ADGRL3: variants seen among roughly 807,000 people sequenced by gnomAD.
The protein encoded by ADGRL3 is adhesion G protein-coupled receptor L3, also known as calcium-independent alpha-latrotoxin receptor 3.
Under a neutral mutation model 153.5 loss-of-function variants are expected in ADGRL3, and 62 were observed. That is an observed-to-expected ratio of 0.40 (90% confidence interval 0.33 to 0.50). The LOEUF is 0.50. ADGRL3 is among the 20% of genes least tolerant of loss of function. The pLI, the probability that ADGRL3 is intolerant of heterozygous loss-of-function variation, is 0.47. For missense variants in ADGRL3, 1,641 were observed against 1,859.4 expected (o/e 0.88, Z 2.16); for synonymous variants, 710 against 672.5 (o/e 1.06, Z -0.86).
rs568378563 is a variant in ADGRL3 at position 61,946,980 on chromosome 4, G to A, written c.2486G>A (p.Ser829Asn). 10 of 1,613,836 alleles carry A rather than the reference G, an allele frequency of 6.2e-6. No individual in the cohort carries two copies. The Admixed American group carries it at 1.0e-4, about 16-fold the overall frequency. ...LGPYLSTENA[S>N]MKLGTEALST... is the part of the protein sequence containing the mutation. ...CCTTATTTATCCACGGAGAATGCCA[G>A]TATGAAGTTGGGAACGGAAGCTTTG... Residue 829 changes from serine to asparagine, a missense_variant, in exon 16 of 27, where the codon AGT (serine) becomes AAT (asparagine). Physicochemically the swap from Ser to Asn is conservative, Grantham distance 46. Around this residue, in one of 5 missense-constraint regions of ADGRL3, gnomAD observed 734 missense variants for 797.0 expected, o/e 0.92. Transcript: ENST00000683033.
At chr4:61,353,986 A>C (rs2096110711) in intron 1 of ADGRL3, among the ~76,000 whole-genome samples, 1 of 152,124 alleles carries the variant, frequency 6.6e-6, no homozygotes, top group South Asian at 2.1e-4. Context: ...CCCTATAGCC[A>C]GCAGTGCTTT....
At chr4:61,553,947 A>C (rs2098752381) in intron 4 of ADGRL3, among the ~76,000 whole-genome samples, 1 of 152,170 alleles carries the variant, frequency 6.6e-6, no homozygotes, top group African/African-American at 2.4e-5. Context: ...AGTGGTATGT[A>C]GGGTTCTCTT....
intron 2 of ADGRL3, among the ~76,000 whole-genome samples, chr4:61,459,209 C>A (rs577226775): frequency 3.4e-4 from 52 of 151,800 alleles, no homozygotes; most frequent in African/African-American, 1.2e-3. Flanking sequence ...ACAAATATTT[C>A]ATGATATTCG....
chr4:61,596,241 G>A (rs1418733968), intron 5 of ADGRL3, among the ~76,000 whole-genome samples: 1 of 152,138 alleles, frequency 6.6e-6, no homozygotes, highest in African/African-American at 2.4e-5. Context: ...CTGCCATCTT[G>A]CTCTGCCCCT....
intron 2 of ADGRL3, among the ~76,000 whole-genome samples, chr4:61,430,741 A>G (rs1296866480): frequency 3.3e-5 from 5 of 152,148 alleles, no homozygotes; most frequent in Non-Finnish European, 5.9e-5. Flanking sequence ...TGCCCCTTAT[A>G]TAATATGGGG....
chr4:61,778,883 C>T (rs1013019022), intron 8 of ADGRL3, among the ~76,000 whole-genome samples: 7 of 151,950 alleles, frequency 4.6e-5, no homozygotes, highest in Non-Finnish European at 2.9e-5. Flanking sequence ...CATGGCGAAA[C>T]GCCATCTCTA....
At position 61,832,193 on chromosome 4, in the gene ADGRL3, G is replaced by A. The variant is rs556102133; in HGVS notation, c.1480+18304G>A. 2.6e-5 allele frequency among the ~76,000 whole-genome samples: 4 copies of A among 152,220 alleles called. No individual in the cohort carries two copies. The East Asian group carries it at 7.7e-4, about 29-fold the overall frequency. The stretch of plus-strand genomic sequence containing the variant: ...ACTTGGAGAGGGGCCAAGCAGTTTA[G>A]GCTTTAATACTCTCTTCAGAGGCGA... On this transcript the variant is annotated intron_variant, in intron 9 of 26. Transcript: ENST00000683033.
intron 8 of ADGRL3, among the ~76,000 whole-genome samples, chr4:61,812,897 G>T (rs529242831): frequency 2.1e-4 from 32 of 152,126 alleles, no homozygotes; most frequent in Middle Eastern, 3.4e-3. Context: ...GTGGTTAGTT[G>T]TTTTTTTCAT....
intron 2 of ADGRL3, among the ~76,000 whole-genome samples, chr4:61,421,286 A>ATG (rs1161354382): frequency 1.3e-5 from 2 of 152,104 alleles, no homozygotes; most frequent in Non-Finnish European, 2.9e-5. Context: ...GTGAGCCAAG[A>ATG]GCACGCCACT....
At chr4:61,749,610 CAAAA>C (rs2096724735) in intron 8 of ADGRL3, among the ~76,000 whole-genome samples, 1 of 151,338 alleles carries the variant, frequency 6.6e-6, no homozygotes, top group African/African-American at 2.4e-5. Context: ...ATCACAAGAA[CAAAA>C]AACCAAACAC....
At chr4:61,446,869 C>G (rs1215394994) in intron 2 of ADGRL3, among the ~76,000 whole-genome samples, 1 of 152,152 alleles carries the variant, frequency 6.6e-6, no homozygotes, top group Non-Finnish European at 1.5e-5. Context: ...AATTGCATTA[C>G]AATAAAAGGT....
chr4:61,243,185 C>G (rs1211189713), intron 1 of ADGRL3, among the ~76,000 whole-genome samples: 1 of 151,992 alleles, frequency 6.6e-6, no homozygotes, highest in Non-Finnish European at 1.5e-5. Context: ...TTTTCAATTT[C>G]AAAGTAAATG....
At chr4:61,926,811 T>G (rs780492971) in intron 13 of ADGRL3, among the ~76,000 whole-genome samples, 1 of 152,206 alleles carries the variant, frequency 6.6e-6, no homozygotes, top group African/African-American at 2.4e-5. Context: ...TTAACATAGT[T>G]TGCAACCTCT....
chr4:61,746,309 G>T (rs945896703), intron 8 of ADGRL3, among the ~76,000 whole-genome samples: 1 of 151,980 alleles, frequency 6.6e-6, no homozygotes, highest in African/African-American at 2.4e-5. Context: ...AAGACAGAAA[G>T]TTAAAAAGGA....
intron 6 of ADGRL3, among the ~76,000 whole-genome samples, chr4:61,720,294 T>A (rs1359359346): frequency 6.6e-6 from 1 of 152,050 alleles, no homozygotes; most frequent in Non-Finnish European, 1.5e-5. Flanking sequence ...TTCACCATAT[T>A]GGCCAGGCTG....
intron 1 of ADGRL3, among the ~76,000 whole-genome samples, chr4:61,344,458 C>T (rs1000673097): frequency 6.6e-6 from 1 of 152,166 alleles, no homozygotes; most frequent in South Asian, 2.1e-4. Flanking sequence ...GCATATGAAT[C>T]CTTGAATAAC....
At chr4:61,591,367 A>G (rs2098968438) in intron 5 of ADGRL3, among the ~76,000 whole-genome samples, 1 of 152,134 alleles carries the variant, frequency 6.6e-6, no homozygotes, top group Non-Finnish European at 1.5e-5. Context: ...TCACCACAGT[A>G]AGATTCTGCA....
At chr4:61,746,919 G>A (rs1022778210) in intron 8 of ADGRL3, among the ~76,000 whole-genome samples, 4 of 152,092 alleles carry the variant, frequency 2.6e-5, no homozygotes, top group African/African-American at 9.7e-5. Flanking sequence ...GAATCCAGGA[G>A]CTGGTTTTTT....
At chr4:61,845,524 T>C (rs907962689) in intron 9 of ADGRL3, among the ~76,000 whole-genome samples, 4 of 150,488 alleles carry the variant, frequency 2.7e-5, no homozygotes, top group African/African-American at 9.8e-5. Flanking sequence ...CTAAGTTTAA[T>C]TTTTTTCTTT....
Sources: gnomAD v4.1 joint callset for allele counts (sites outside exome capture counted in the v4.1 genomes callset) on GRCh38, gnomAD v4.1.1 for gene constraint, gnomAD v4.1.1 regional missense constraint, MANE v1.5 for transcripts, NCBI Gene and HGNC (gene_info 2026-07-23, HGNC 2026-07-21) for gene names.